AFF1: variants seen among roughly 807,000 people sequenced by gnomAD.
The protein encoded by AFF1 is ALF transcription elongation factor 1, also known as AF4/FMR2 family member 1.
A neutral mutation model predicts 121.7 loss-of-function variants in AFF1; 48 were observed. The ratio of observed to expected loss-of-function variants is 0.39; its 90% confidence interval spans 0.31 to 0.50. The LOEUF is 0.50. AFF1 is among the 20% of genes least tolerant of loss of function. The pLI, the probability that AFF1 is intolerant of heterozygous loss-of-function variation, is 0.76. For missense variants in AFF1, 1,523 were observed against 1,511.7 expected, an observed-to-expected ratio of 1.01 and a Z score of -0.12; for synonymous variants, 613 against 563.0, an observed-to-expected ratio of 1.09 and a Z score of -1.26.
intron 11 of AFF1, among the ~76,000 whole-genome samples, chr4:87,109,095 A>G (rs1381671301): frequency 6.6e-6 from 1 of 152,234 alleles, no homozygotes; most frequent in Non-Finnish European, 1.5e-5. Context: ...GAAATTAATG[A>G]AAAGGGAAGG....
At chr4:86,979,295 G>C (rs1723546642) in intron 2 of AFF1, among the ~76,000 whole-genome samples, 1 of 151,946 alleles carries the variant, frequency 6.6e-6, no homozygotes, top group Non-Finnish European at 1.5e-5. Flanking sequence ...ACGGGGTTTT[G>C]CCATGTTCAC....
At chr4:86,946,494 C>T (rs1720873237) in intron 1 of AFF1, among the ~76,000 whole-genome samples, 1 of 128,878 alleles carries the variant, frequency 7.8e-6, no homozygotes, top group Non-Finnish European at 1.6e-5. Context: ...TCAAGCAGTC[C>T]TCCCACCTCA....
chr4:87,022,586 A>C (rs1198169041), intron 2 of AFF1, among the ~76,000 whole-genome samples: 9 of 91,510 alleles, frequency 9.8e-5, no homozygotes, highest in African/African-American at 5.3e-4. Flanking sequence ...ATATATATCT[A>C]TCTATATCTA....
chr4:87,113,026 G>C (rs1478587031), intron 11 of AFF1, among the ~76,000 whole-genome samples: 1 of 152,188 alleles, frequency 6.6e-6, no homozygotes, highest in Non-Finnish European at 1.5e-5. Flanking sequence ...AGATAGAGTA[G>C]TGGAACTTGG....
At chr4:86,938,581 CTAG>C (rs1487055633) in intron 1 of AFF1, among the ~76,000 whole-genome samples, 2 of 151,934 alleles carry the variant, frequency 1.3e-5, no homozygotes, top group East Asian at 3.9e-4. Flanking sequence ...CAGTTGCTTT[CTAG>C]TAGTCTCTTT....
chr4:87,113,027 T>C (rs1263349029), intron 11 of AFF1, among the ~76,000 whole-genome samples: 1 of 152,216 alleles, frequency 6.6e-6, no homozygotes, highest in Non-Finnish European at 1.5e-5. Flanking sequence ...GATAGAGTAG[T>C]GGAACTTGGA....
chr4:87,073,270 G>C (rs1722284931), intron 4 of AFF1, among the ~76,000 whole-genome samples: 1 of 102,970 alleles, frequency 9.7e-6, no homozygotes, highest in African/African-American at 4.3e-5. Context: ...TCATTACCCA[G>C]CATTAAAGCC....
intron 2 of AFF1, among the ~76,000 whole-genome samples, chr4:86,977,951 G>C (rs1034556269): frequency 6.6e-6 from 1 of 152,096 alleles, no homozygotes; most frequent in African/African-American, 2.4e-5. Flanking sequence ...ATACATAGAT[G>C]AGTCAGACGT....
At chr4:86,963,601 A>T (rs1299533145) in intron 2 of AFF1, among the ~76,000 whole-genome samples, 1 of 152,164 alleles carries the variant, frequency 6.6e-6, no homozygotes, top group African/African-American at 2.4e-5. Flanking sequence ...CCTTATAAAG[A>T]TCTTATAGGG....
intron 2 of AFF1, chr4:87,036,742 G>A: frequency 2.0e-6 from 1 of 494,954 alleles, no homozygotes; most frequent in East Asian, 6.0e-5. Flanking sequence ...AACTACCCCA[G>A]TTAAGAAACA....
At chr4:87,131,934 TGAAATTTGTTTTCTTAATG>T in intron 18 of AFF1, 70 bp downstream of exon 18, 1 of 1,289,478 alleles carries the variant, frequency 7.8e-7, no homozygotes, top group Non-Finnish European at 1.0e-6. Context: ...AAAAAGATTC[TGAAATTTGTTTTCTTAATG>T]TGAAAATTAT....
chr4:87,133,346 T>C (rs1729012404), intron 19 of AFF1, among the ~76,000 whole-genome samples: 1 of 152,220 alleles, frequency 6.6e-6, no homozygotes, highest in South Asian at 2.1e-4. Context: ...GTGAAGTTCC[T>C]AGTTCTGATA....
At position 87,103,989 on chromosome 4, in the gene AFF1, G is replaced by C. The variant is rs184836177; in HGVS notation, c.1284-1639G>C. ...TTCAAAGATACATCTTTTATCTTTT[G>C]TTTGTGTATAACTCAGCCCAGCCAC... On this transcript the variant is annotated intron_variant, in intron 8 of 20. Transcript: ENST00000395146. Among the ~76,000 whole-genome samples the C allele has an allele frequency of 2.5e-3, 378 of 152,182 alleles. 2 individuals are homozygous for C. Among genetic ancestry groups the C allele is most frequent in the African/African-American group, 8.6e-3 (355 of 41,518 alleles).
intron 18 of AFF1, 135 bp from the exon 19 acceptor site, chr4:87,132,136 G>A: frequency 2.0e-6 from 2 of 989,892 alleles, no homozygotes; most frequent in Admixed American, 3.1e-5. Flanking sequence ...TATGAACAGA[G>A]CAGTAAGATA....
chr4:87,125,485 A>G (rs755035556), intron 13 of AFF1, among the ~76,000 whole-genome samples: 1 of 152,182 alleles, frequency 6.6e-6, no homozygotes, highest in Non-Finnish European at 1.5e-5. Flanking sequence ...TGACTTGTCC[A>G]AAGTCAGAGA....
chr4:87,123,639 A>T (rs1443664451), intron 12 of AFF1, among the ~76,000 whole-genome samples: 2 of 152,208 alleles, frequency 1.3e-5, no homozygotes, highest in African/African-American at 4.8e-5. Context: ...GGATGTGCAG[A>T]TGCAGGCACA....
chr4:87,134,494 T>C lies in AFF1; in HGVS notation c.3335T>C (p.Leu1112Pro), dbSNP rs1345964048. 3.7e-6 allele frequency: 6 copies of C among 1,607,732 alleles called. No homozygotes were observed. The African/African-American group carries it at 5.3e-5, about 14-fold the overall frequency. ...IARSTGTPSP[L>P]SPMPSPASSV... ...AGAAGCACAGGCACACCATCCCCTC[T>C]TTCCCCAATGCCTTCTCCTGCCAGC... is the stretch of plus-strand genomic sequence containing the variant. The change falls in exon 20 of 21, where the codon CTT (leucine) becomes CCT (proline). Residue 1112 changes from leucine (L) to proline (P), a missense_variant. Physicochemically the swap from Leu to Pro is moderately conservative, Grantham distance 98. Transcript: ENST00000395146.
At chr4:87,091,658 TAC>T (rs1314870735) in intron 6 of AFF1, 133 bp from the exon 7 acceptor site, 12 of 629,248 alleles carry the variant, frequency 1.9e-5, no homozygotes, top group Non-Finnish European at 3.3e-5. Flanking sequence ...GGGTATTCTC[TAC>T]ACTGTTTCCA....
At chr4:87,000,746 G>A (rs1182779075) in intron 2 of AFF1, among the ~76,000 whole-genome samples, 1 of 151,794 alleles carries the variant, frequency 6.6e-6, no homozygotes, top group East Asian at 1.9e-4. Flanking sequence ...GGGTAAGGAA[G>A]GGCATGTTTT....
Sources: allele counts gnomAD v4.1 joint callset (sites outside exome capture counted in the v4.1 genomes callset), GRCh38; gene constraint gnomAD v4.1.1; transcripts MANE v1.5; gene names NCBI Gene and HGNC (gene_info 2026-07-23, HGNC 2026-07-21).